The following DMD variants were observed in gnomAD, a reference collection of about 807,000 sequenced individuals.
DMD encodes dystrophin.
DMD carries 63 observed loss-of-function variants against 330.1 expected under a neutral mutation model. The ratio of observed to expected loss-of-function variants is 0.19; its 90% CI spans 0.16 to 0.24. DMD has a LOEUF of 0.24. Among genes scored for constraint, DMD ranks in the 10% least tolerant of loss-of-function variants. The pLI is 1.00. For synonymous variants in DMD, 1,223 were observed against 959.8 expected, an observed-to-expected ratio of 1.27 and a Z score of -5.07; for missense variants, 3,344 against 2,684.1, an observed-to-expected ratio of 1.25 and a Z score of -5.43.
At chrX:31,211,565 T>C (rs1225296471) in intron 64 of DMD, among the ~76,000 whole-genome samples, 1 of 112,645 alleles carries the variant, frequency 8.9e-6, no homozygotes, top group Non-Finnish European at 1.9e-5. Flanking sequence ...ATCACTTTTG[T>C]ATTAAGAGTC....
intron 47 of DMD, among the ~76,000 whole-genome samples, chrX:31,919,466 C>T (rs12008181): frequency 0.4 from 44,473 of 110,712 alleles, 7,802 homozygotes; most frequent in African/African-American, 0.68. Flanking sequence ...AGAATGTAAC[C>T]ATCAGAACAA....
At chrX:32,782,858 CAT>C (rs1299192847) in intron 7 of DMD, among the ~76,000 whole-genome samples, 1 of 106,470 alleles carries the variant, frequency 9.4e-6, no homozygotes, top group Admixed American at 1.0e-4. Flanking sequence ...TCTCACGTAC[CAT>C]ATATATATAC....
At chrX:32,768,458 C>G (rs1278785969) in intron 7 of DMD, among the ~76,000 whole-genome samples, 2 of 111,895 alleles carry the variant, frequency 1.8e-5, no homozygotes, top group African/African-American at 6.5e-5. Context: ...TGATCTAACA[C>G]AAATTGAACA....
chrX:32,933,109 T>A (rs909319389), intron 2 of DMD, among the ~76,000 whole-genome samples: 1 of 111,424 alleles, frequency 9.0e-6, no homozygotes, highest in African/African-American at 3.3e-5. Flanking sequence ...ATGAAAGAAA[T>A]GGGAAAATAT....
chrX:32,855,865 A>G (rs1014723094), intron 2 of DMD, among the ~76,000 whole-genome samples: 1 of 111,907 alleles, frequency 8.9e-6, no homozygotes, highest in African/African-American at 3.2e-5. Context: ...ACAATCAACA[A>G]AGTGAAGACA....
At chrX:32,867,198 T>C (rs1251526556) in intron 2 of DMD, among the ~76,000 whole-genome samples, 2 of 111,538 alleles carry the variant, frequency 1.8e-5, no homozygotes, top group African/African-American at 6.5e-5. Context: ...ACTTTATTTT[T>C]CTCCCATTTG....
At chrX:31,530,013 C>T (rs754760443) in intron 55 of DMD, among the ~76,000 whole-genome samples, 3 of 111,699 alleles carry the variant, frequency 2.7e-5, no homozygotes, top group Admixed American at 9.5e-5. Context: ...GTAATGCAAA[C>T]GGGAAAGAAT....
chrX:32,004,324 A>C (rs1479895994), intron 44 of DMD, among the ~76,000 whole-genome samples: 1 of 111,651 alleles, frequency 9.0e-6, no homozygotes, highest in Non-Finnish European at 1.9e-5. Context: ...ACAAGTTGAG[A>C]ATTAGCAGGA....
chrX:32,684,518 T>G (rs2062703903), intron 9 of DMD, among the ~76,000 whole-genome samples: 1 of 111,554 alleles, frequency 9.0e-6, no homozygotes, highest in African/African-American at 3.3e-5. Context: ...CTCCTAAATT[T>G]AAATTTTGTG....
At chrX:31,916,843 G>T (rs1335867315) in intron 47 of DMD, among the ~76,000 whole-genome samples, 2 of 112,245 alleles carry the variant, frequency 1.8e-5, no homozygotes, top group Non-Finnish European at 3.8e-5. Context: ...AGTTATACTT[G>T]GGTTATGAAC....
chrX:33,004,622 TA>T (rs1389865286), intron 2 of DMD, among the ~76,000 whole-genome samples: 1 of 111,557 alleles, frequency 9.0e-6, no homozygotes, highest in East Asian at 2.8e-4. Context: ...TTTACTTGTG[TA>T]TTTTTTTATA....
intron 53 of DMD, among the ~76,000 whole-genome samples, chrX:31,678,147 T>C (rs956693787): frequency 8.9e-6 from 1 of 112,352 alleles, no homozygotes; most frequent in Non-Finnish European, 1.9e-5. Context: ...GTTAAGCTAT[T>C]GAGATTTCAG....
At chrX:31,946,510 C>A (rs757789257) in intron 45 of DMD, among the ~76,000 whole-genome samples, 1 of 111,692 alleles carries the variant, frequency 9.0e-6, no homozygotes, top group Non-Finnish European at 1.9e-5. Context: ...AAATTTGGTA[C>A]AAGGTACAGA....
chrX:32,471,540 C>A (rs1449133828), intron 22 of DMD, among the ~76,000 whole-genome samples: 2 of 111,981 alleles, frequency 1.8e-5, no homozygotes, highest in Non-Finnish European at 3.8e-5. Context: ...ATAACTACAT[C>A]TGTACTAAAC....
At chrX:32,104,569 T>C (rs768294591) in intron 44 of DMD, among the ~76,000 whole-genome samples, 1 of 111,770 alleles carries the variant, frequency 8.9e-6, no homozygotes, top group Admixed American at 9.5e-5. Context: ...ATGAAATGAA[T>C]AGATCTCATA....
chrX:32,358,703 CAA>C (rs1490654144), intron 37 of DMD, among the ~76,000 whole-genome samples: 1 of 111,190 alleles, frequency 9.0e-6, no homozygotes, highest in African/African-American at 3.3e-5. Flanking sequence ...ATGAAAATAG[CAA>C]AGACACGATT....
chrX:32,244,707 G>A (rs1371953048), intron 43 of DMD, among the ~76,000 whole-genome samples: 5 of 93,345 alleles, frequency 5.4e-5, no homozygotes, highest in South Asian at 1.1e-3. Context: ...TACTCTGATG[G>A]CCAGTGATGG....
chrX:32,815,520 T>TATATATATATATATACACACACACACAC, intron 6 of DMD, among the ~76,000 whole-genome samples: 33 of 78,898 alleles, frequency 4.2e-4, no homozygotes, highest in African/African-American at 1.7e-3. Flanking sequence ...TATATATATA[T>TATATATATATATATACACACACACACAC]ACACACACAC....
At chrX:32,278,447 T>C (rs1267139292) in intron 43 of DMD, among the ~76,000 whole-genome samples, 1 of 110,944 alleles carries the variant, frequency 9.0e-6, no homozygotes, top group African/African-American at 3.3e-5. Flanking sequence ...ACAGGCAACC[T>C]ACAAAATGGG....
Sources: allele counts gnomAD v4.1 joint callset (sites outside exome capture counted in the v4.1 genomes callset), GRCh38; gene constraint gnomAD v4.1.1; transcripts MANE v1.5; gene names NCBI Gene and HGNC (gene_info 2026-07-23, HGNC 2026-07-21).